AAMDC: variants seen among roughly 807,000 people sequenced by gnomAD.
AAMDC encodes adipogenesis associated Mth938 domain containing, also known as mth938 domain-containing protein.
Under a neutral mutation model 15.5 loss-of-function variants are expected in AAMDC, and 16 were observed. That is an observed-to-expected ratio of 1.03 (90% CI 0.70 to 1.57). The LOEUF (loss-of-function observed/expected upper bound fraction) is 1.57. Ranked by LOEUF, AAMDC falls within the 40% of genes most tolerant of loss-of-function variation. AAMDC has a pLI of 0.00. For synonymous variants in AAMDC, 51 were observed against 51.6 expected (o/e 0.99, Z 0.05); for missense variants, 141 against 144.9 (o/e 0.97, Z 0.14).
downstream of AAMDC, chr11:77,900,724 T>C (rs1565232729): frequency 9.1e-6 from 6 of 656,352 alleles, no homozygotes; most frequent in African/African-American, 3.6e-5. Context: ...CATCAAAATA[T>C]CTGATTTCAG....
intron 1 of AAMDC, among the ~76,000 whole-genome samples, chr11:77,827,932 A>G (rs969438674): frequency 6.6e-6 from 1 of 152,208 alleles, no homozygotes; most frequent in Non-Finnish European, 1.5e-5. Context: ...TACAAGATAA[A>G]TACTCAAAAA....
At chr11:77,835,137 A>T (rs917208416) in intron 1 of AAMDC, among the ~76,000 whole-genome samples, 1 of 152,198 alleles carries the variant, frequency 6.6e-6, no homozygotes, top group Non-Finnish European at 1.5e-5. Context: ...TTTGCAATTG[A>T]GTGTGACCAC....
At chr11:77,861,238 C>T (rs1365767143) in intron 2 of AAMDC, among the ~76,000 whole-genome samples, 1 of 152,200 alleles carries the variant, frequency 6.6e-6, no homozygotes, top group Non-Finnish European at 1.5e-5. Flanking sequence ...TAGAATGTCT[C>T]TCCCTAACAA....
At chr11:77,880,530 G>C (rs1333234466) in intron 5 of AAMDC, among the ~76,000 whole-genome samples, 1 of 152,174 alleles carries the variant, frequency 6.6e-6, no homozygotes, top group Non-Finnish European at 1.5e-5. Flanking sequence ...TCTGATACCA[G>C]GCTCCAGATG....
downstream of AAMDC, chr11:77,903,721 A>T (rs1404991829): frequency 2.5e-5 from 20 of 800,082 alleles, no homozygotes; most frequent in Admixed American, 1.0e-4. Flanking sequence ...TCTCCCATGA[A>T]CATGACTTCT....
intron 1 of AAMDC, among the ~76,000 whole-genome samples, chr11:77,828,800 T>C (rs1479666304): frequency 1.3e-5 from 2 of 152,228 alleles, no homozygotes; most frequent in African/African-American, 4.8e-5. Flanking sequence ...TACCTTTAAG[T>C]TGAAGTACAG....
At chr11:77,863,551 G>A (rs975221527) in intron 2 of AAMDC, among the ~76,000 whole-genome samples, 16 of 152,128 alleles carry the variant, frequency 1.1e-4, no homozygotes, top group African/African-American at 3.9e-4. Context: ...ACTACGCCTG[G>A]CTAATTTCTG....
At chr11:77,877,011 C>G (rs1443526178), downstream of AAMDC, 4 of 703,082 alleles carry the variant, frequency 5.7e-6, no homozygotes, top group Admixed American at 2.0e-5. Context: ...TTCCACCTGG[C>G]TACAGCTTCA....
At chr11:77,897,424 A>G (rs1002172194) in intron 5 of AAMDC, among the ~76,000 whole-genome samples, 1 of 151,558 alleles carries the variant, frequency 6.6e-6, no homozygotes, top group Non-Finnish European at 1.5e-5. Flanking sequence ...TTAAAAGATT[A>G]TATTTATAAA....
chr11:77,854,614 G>A (rs1222470341), intron 2 of AAMDC, among the ~76,000 whole-genome samples: 1 of 152,232 alleles, frequency 6.6e-6, no homozygotes, highest in East Asian at 1.9e-4. Flanking sequence ...GGTTCCCAAG[G>A]CTTTGGGCAG....
At chr11:77,842,717 T>C in intron 2 of AAMDC, 89 bp downstream of exon 2, 1 of 1,538,514 alleles carries the variant, frequency 6.5e-7, no homozygotes. Context: ...GAAAAACTAT[T>C]TCTCTTGTGT....
chr11:77,828,070 C>A (rs1949259850), intron 1 of AAMDC, among the ~76,000 whole-genome samples: 1 of 152,014 alleles, frequency 6.6e-6, no homozygotes. Flanking sequence ...GCCAGGAGTT[C>A]AATACCAGCC....
downstream of AAMDC, among the ~76,000 whole-genome samples, chr11:77,876,043 C>T (rs886452679): frequency 1.3e-5 from 2 of 152,068 alleles, no homozygotes; most frequent in African/African-American, 4.8e-5. Context: ...GTCAGATCAG[C>T]TCATCACTTA....
At chr11:77,896,576 C>T (rs892901002) in intron 5 of AAMDC, among the ~76,000 whole-genome samples, 4 of 149,674 alleles carry the variant, frequency 2.7e-5, no homozygotes, top group East Asian at 2.0e-4. Context: ...CTCTTGAACC[C>T]GGGAGGTGGA....
Position 77,850,433 on chromosome 11 carries a change from T to C in AAMDC, c.132+7805T>C, listed in dbSNP as rs1247907473. On this transcript the variant is annotated intron_variant, in intron 2 of 3. Transcript: ENST00000393427. ...CTGTTTTATACTGCCCTTGCTCATT[T>C]CTATCCTAAGGCAATAACTATCTTA... Among the ~76,000 whole-genome samples, 8 of 152,342 alleles carry C rather than the reference T, an allele frequency of 5.3e-5. 1 individual carries two copies. In the East Asian group the frequency reaches 1.2e-3, roughly 22 times the overall value.
chr11:77,832,987 GTGTGTGTGTGTATA>G (rs1442180060), intron 1 of AAMDC, among the ~76,000 whole-genome samples: 32 of 25,432 alleles, frequency 1.3e-3, no homozygotes, highest in African/African-American at 8.4e-3. Context: ...GTGTGTGTGT[GTGTGTGTGTGTATA>G]TATATATATT....
chr11:77,879,116 C>G lies in AAMDC; in HGVS notation c.328+2067C>G. 1 of 1,614,072 alleles carries G rather than the reference C, an allele frequency of 6.2e-7. No individual in the cohort carries two copies. The highest frequency in any genetic ancestry group is 8.5e-7 in the Non-Finnish European group (1 of 1,180,002). On this transcript the variant is annotated intron_variant, in intron 5 of 5. Transcript: ENST00000304716. ...TAGGCCAGCAGCAGCCTCACTTCCA[C>G]CTGGCATGCCTCTGAAAAAAAGATA...
chr11:77,832,268 T>A (rs2136077693), intron 1 of AAMDC, among the ~76,000 whole-genome samples: 1 of 152,270 alleles, frequency 6.6e-6, no homozygotes, highest in East Asian at 1.9e-4. Context: ...TTGATTCTCA[T>A]ATATAAATTT....
chr11:77,842,013 G>A (rs1255127319), intron 1 of AAMDC, among the ~76,000 whole-genome samples: 1 of 152,158 alleles, frequency 6.6e-6, no homozygotes, highest in Non-Finnish European at 1.5e-5. Flanking sequence ...GTTGTTCCAG[G>A]CAAGAACAAC....
Sources: gnomAD v4.1 joint callset for allele counts (sites outside exome capture counted in the v4.1 genomes callset) on GRCh38, gnomAD v4.1.1 for gene constraint, MANE v1.5 for transcripts, NCBI Gene and HGNC (gene_info 2026-07-23, HGNC 2026-07-21) for gene names.